PLCL2: variants seen among roughly 807,000 people sequenced by gnomAD.
PLCL2 encodes the protein inactive phospholipase C-like protein 2.
PLCL2 carries 4 observed loss-of-function variants against 79.6 expected under a neutral mutation model. The ratio of observed to expected loss-of-function variants is 0.05; its 90% CI spans 0.02 to 0.11. The LOEUF is 0.11. Among genes scored for constraint, PLCL2 ranks in the 10% least tolerant of loss-of-function variants. The probability of loss-of-function intolerance (pLI) is 1.00; values close to 1 mark genes in which losing one functional copy is unlikely to be tolerated. For missense variants in PLCL2, 895 were observed against 1,291.0 expected, an observed-to-expected ratio of 0.69 and a Z score of 4.70; for synonymous variants, 484 against 457.7, an observed-to-expected ratio of 1.06 and a Z score of -0.73.
chr3:16,967,202 A>G lies in PLCL2; in HGVS notation c.328-42472A>G, dbSNP rs114981734. 6.0e-3 allele frequency among the ~76,000 whole-genome samples: 910 copies of G among 152,132 alleles called. 13 individuals carry two copies. The highest frequency in any genetic ancestry group is 0.021 in the African/African-American group (869 of 41,524). ...TTTAGGTTTATTCTGCGTCTTTGCT[A>G]TTGTGAGTAGTCCTGCAGTGAACAA... On this transcript the variant is annotated intron_variant, in intron 1 of 5. Coordinates refer to ENST00000615277, the MANE Select transcript of PLCL2 (RefSeq NM_001144382.2).
At chr3:17,052,261 G>A (rs1346064231) in intron 4 of PLCL2, among the ~76,000 whole-genome samples, 1 of 150,490 alleles carries the variant, frequency 6.6e-6, no homozygotes, top group Non-Finnish European at 1.5e-5. Flanking sequence ...AAATTGGGGG[G>A]GGGTGAAGGT....
chr3:16,888,832 C>G (rs1696281504), intron 1 of PLCL2, among the ~76,000 whole-genome samples: 1 of 152,112 alleles, frequency 6.6e-6, no homozygotes, highest in Non-Finnish European at 1.5e-5. Flanking sequence ...TTAGTCAGAA[C>G]TAGTTAAATA....
intron 5 of PLCL2, among the ~76,000 whole-genome samples, chr3:17,070,318 T>G (rs1426966150): frequency 6.6e-6 from 1 of 152,188 alleles, no homozygotes; most frequent in African/African-American, 2.4e-5. Flanking sequence ...GATGCACATA[T>G]TAATGAAAAA....
intron 4 of PLCL2, among the ~76,000 whole-genome samples, chr3:17,058,501 A>G (rs1180930336): frequency 6.6e-6 from 1 of 152,140 alleles, no homozygotes; most frequent in Non-Finnish European, 1.5e-5. Flanking sequence ...ATTTACCAAG[A>G]TGCTGAAGAC....
At chr3:17,031,995 A>T (rs1336392747) in intron 3 of PLCL2, among the ~76,000 whole-genome samples, 1 of 148,510 alleles carries the variant, frequency 6.7e-6, no homozygotes, top group Non-Finnish European at 1.5e-5. Context: ...AAACTACAAG[A>T]TCAAATTCAA....
chr3:16,982,754 G>C (rs1466393698), intron 1 of PLCL2, among the ~76,000 whole-genome samples: 1 of 152,000 alleles, frequency 6.6e-6, no homozygotes, highest in Middle Eastern at 3.2e-3. Flanking sequence ...ACTGAAAAGA[G>C]AAAAGCTGTT....
At chr3:16,918,272 T>G (rs1196685781) in intron 1 of PLCL2, among the ~76,000 whole-genome samples, 1 of 152,216 alleles carries the variant, frequency 6.6e-6, no homozygotes, top group East Asian at 1.9e-4. Context: ...AAACAATAGA[T>G]AGTTTTTGTG....
intron 4 of PLCL2, 46 bp from the exon 5 acceptor site, chr3:17,067,910 A>G (rs1244207541): frequency 9.6e-7 from 1 of 1,038,980 alleles, no homozygotes; most frequent in Non-Finnish European, 1.5e-6. Context: ...TCATTACCAC[A>G]GATTGGATGG....
intron 1 of PLCL2, among the ~76,000 whole-genome samples, chr3:16,969,211 G>GT (rs1186661710): frequency 3.3e-5 from 5 of 151,892 alleles, no homozygotes; most frequent in Non-Finnish European, 7.4e-5. Context: ...TTCTTTTTTT[G>GT]TTGTGTCTCT....
chr3:17,084,938 A>T (rs1358346000), intron 5 of PLCL2, among the ~76,000 whole-genome samples: 1 of 152,234 alleles, frequency 6.6e-6, no homozygotes, highest in Non-Finnish European at 1.5e-5. Flanking sequence ...TAATGAAGAA[A>T]GACAAGAAAA....
chr3:17,035,573 T>C (rs1480756478), intron 3 of PLCL2, among the ~76,000 whole-genome samples: 5 of 152,202 alleles, frequency 3.3e-5, no homozygotes, highest in Non-Finnish European at 2.9e-5. Flanking sequence ...CTGCTTCCTG[T>C]TCCCACTTTT....
intron 4 of PLCL2, among the ~76,000 whole-genome samples, chr3:17,050,422 A>G (rs557557607): frequency 2.0e-5 from 3 of 149,928 alleles, no homozygotes; most frequent in Admixed American, 2.0e-4. Context: ...ACCCGAGTAT[A>G]TAAGGAGCTC....
chr3:17,047,219 G>A (rs1233919165), intron 4 of PLCL2, among the ~76,000 whole-genome samples: 1 of 152,230 alleles, frequency 6.6e-6, no homozygotes, highest in Non-Finnish European at 1.5e-5. Context: ...AGCTGCCACA[G>A]GAACTGAGGA....
At chr3:16,984,218 G>GT (rs1259569742) in intron 1 of PLCL2, among the ~76,000 whole-genome samples, 1 of 152,100 alleles carries the variant, frequency 6.6e-6, no homozygotes, top group East Asian at 1.9e-4. Context: ...AGCTAATTTG[G>GT]TTTTTTAAAT....
intron 1 of PLCL2, among the ~76,000 whole-genome samples, chr3:16,889,674 C>G (rs1475025406): frequency 6.6e-6 from 1 of 152,188 alleles, no homozygotes; most frequent in African/African-American, 2.4e-5. Context: ...ACATGGACAA[C>G]AAGCAGCCTT....
At chr3:17,035,856 T>A (rs2124914127) in intron 3 of PLCL2, 1 of 493,546 alleles carries the variant, frequency 2.0e-6, no homozygotes, top group South Asian at 1.5e-5. Context: ...TGCAGCGGGG[T>A]CCTGTGTGTG....
intron 1 of PLCL2, among the ~76,000 whole-genome samples, chr3:16,982,482 C>T (rs1354400800): frequency 1.3e-5 from 2 of 152,128 alleles, no homozygotes; most frequent in Non-Finnish European, 2.9e-5. Flanking sequence ...TAATACAGCC[C>T]AAAGCCAAGA....
At chr3:16,907,749 A>AT (rs539072738) in intron 1 of PLCL2, among the ~76,000 whole-genome samples, 27 of 149,838 alleles carry the variant, frequency 1.8e-4, no homozygotes, top group East Asian at 1.6e-3. Flanking sequence ...ATTATTAGCA[A>AT]TTTTTTTTTT....
At chr3:16,942,906 G>A (rs1295972859) in intron 1 of PLCL2, among the ~76,000 whole-genome samples, 1 of 152,160 alleles carries the variant, frequency 6.6e-6, no homozygotes, top group Non-Finnish European at 1.5e-5. Context: ...GTTCCTTAAG[G>A]GGGCATGCCT....
Sources: allele counts gnomAD v4.1 joint callset (sites outside exome capture counted in the v4.1 genomes callset), GRCh38; gene constraint gnomAD v4.1.1; transcripts MANE v1.5; gene names NCBI Gene and HGNC (gene_info 2026-07-23, HGNC 2026-07-21).